INPP4B: variants seen among roughly 807,000 people sequenced by gnomAD.
The protein encoded by INPP4B is inositol polyphosphate 4-phosphatase type II.
In INPP4B, 55 loss-of-function variants were observed where a neutral mutation model predicts 122.5. The observed-to-expected ratio is 0.45, with a 90% CI of 0.36 to 0.56. INPP4B has a LOEUF of 0.56. Ranked by LOEUF, INPP4B falls within the 20% of genes least tolerant of loss-of-function variation. The pLI is 0.00. For synonymous variants in INPP4B, 403 were observed against 388.7 expected (o/e 1.04, Z -0.43); for missense variants, 1,000 against 1,097.7 (o/e 0.91, Z 1.26).
At chr4:142,698,309 C>T (rs769264710) in intron 2 of INPP4B, among the ~76,000 whole-genome samples, 26 of 151,644 alleles carry the variant, frequency 1.7e-4, no homozygotes, top group East Asian at 3.9e-4. Context: ...AAAAGACATA[C>T]GAGATTAATT....
At chr4:142,756,955 G>T (rs760019631) in intron 1 of INPP4B, among the ~76,000 whole-genome samples, 1 of 152,072 alleles carries the variant, frequency 6.6e-6, no homozygotes, top group Admixed American at 6.6e-5. Flanking sequence ...GGTTTTAACC[G>T]TTCCCAAATC....
intron 25 of INPP4B, chr4:142,029,962 ATGCATAGT>A: frequency 7.3e-7 from 1 of 1,369,600 alleles, no homozygotes; most frequent in African/African-American, 1.5e-5. Flanking sequence ...AATCCACCTA[ATGCATAGT>A]ACTTTTTGTT....
At chr4:142,169,191 T>C in intron 16 of INPP4B, among the ~76,000 whole-genome samples, 1 of 151,740 alleles carries the variant, frequency 6.6e-6, no homozygotes, top group Middle Eastern at 3.4e-3. Context: ...GTATACTATC[T>C]CTTATTTCAC....
intron 2 of INPP4B, among the ~76,000 whole-genome samples, chr4:142,657,934 G>A (rs1482959432): frequency 1.3e-5 from 2 of 152,150 alleles, no homozygotes; most frequent in Non-Finnish European, 2.9e-5. Flanking sequence ...GGCCCCTGAA[G>A]TGTCCAAAAA....
chr4:142,428,768 G>C (rs944454712), intron 5 of INPP4B, among the ~76,000 whole-genome samples: 1 of 152,000 alleles, frequency 6.6e-6, no homozygotes, highest in Non-Finnish European at 1.5e-5. Context: ...GAATACGAGA[G>C]AAATGGGCAA....
At chr4:142,512,918 G>A (rs751469233) in intron 2 of INPP4B, among the ~76,000 whole-genome samples, 8 of 152,070 alleles carry the variant, frequency 5.3e-5, no homozygotes, top group Non-Finnish European at 1.5e-5. Context: ...TATATTTTTT[G>A]ATATTACTCT....
intron 1 of INPP4B, among the ~76,000 whole-genome samples, chr4:142,739,428 G>C (rs1033101191): frequency 2.0e-5 from 3 of 152,008 alleles, no homozygotes; most frequent in African/African-American, 4.8e-5. Context: ...CCTATAGAAT[G>C]GGCATTAGAT....
chr4:142,156,169 T>TGTCTAAATACTAAGTATTGTC (rs1561314747), intron 17 of INPP4B, among the ~76,000 whole-genome samples: 2 of 151,570 alleles, frequency 1.3e-5, no homozygotes, highest in Non-Finnish European at 2.9e-5. Context: ...TAAGAATTGT[T>TGTCTAAATACTAAGTATTGTC]TTTCTAGTTT....
At chr4:142,650,382 T>C (rs1401733372) in intron 2 of INPP4B, among the ~76,000 whole-genome samples, 2 of 152,180 alleles carry the variant, frequency 1.3e-5, no homozygotes, top group Admixed American at 6.5e-5. Flanking sequence ...ACCTTAAATG[T>C]AAATGGGTTA....
chr4:142,528,474 G>T (rs186771170), intron 2 of INPP4B, among the ~76,000 whole-genome samples: 130 of 152,192 alleles, frequency 8.5e-4, no homozygotes, highest in Admixed American at 2.2e-3. Context: ...TCTATTCCTT[G>T]CAAATTGCCC....
At chr4:142,519,569 T>C (rs1478603928) in intron 2 of INPP4B, among the ~76,000 whole-genome samples, 2 of 152,158 alleles carry the variant, frequency 1.3e-5, no homozygotes, top group South Asian at 2.1e-4. Context: ...ACTGATAAGC[T>C]GTAGCAGGAC....
At chr4:142,571,008 A>G (rs1299009266) in intron 2 of INPP4B, among the ~76,000 whole-genome samples, 1 of 144,252 alleles carries the variant, frequency 6.9e-6, no homozygotes, top group African/African-American at 2.6e-5. Context: ...TCATGACCCT[A>G]CCCCTACCTC....
chr4:142,171,180 C>A (rs1310412710), intron 16 of INPP4B, among the ~76,000 whole-genome samples: 1 of 143,410 alleles, frequency 7.0e-6, no homozygotes. Flanking sequence ...TCTTCACTGC[C>A]CTGGGCTGCC....
intron 2 of INPP4B, among the ~76,000 whole-genome samples, chr4:142,471,501 C>T (rs1046387390): frequency 2.6e-5 from 4 of 152,160 alleles, no homozygotes; most frequent in African/African-American, 9.7e-5. Context: ...CTTAGTCTTC[C>T]TTATACATAC....
At chr4:142,110,926 CT>C (rs1338437317) in intron 22 of INPP4B, among the ~76,000 whole-genome samples, 2 of 151,912 alleles carry the variant, frequency 1.3e-5, no homozygotes, top group African/African-American at 4.8e-5. Context: ...AATCACAGAC[CT>C]TATTAATTCC....
rs183419925 is a variant in INPP4B at position 142,382,269 on chromosome 4, G to A, written c.372+20669C>T. Among the ~76,000 whole-genome samples, 191 of 151,942 alleles carry A rather than the reference G, an allele frequency of 1.3e-3. 1 individual carries two copies. The highest frequency in any genetic ancestry group is 2.3e-3 in the Non-Finnish European group (156 of 67,958). On this transcript the variant is annotated intron_variant, in intron 7 of 25. Coordinates refer to ENST00000262992, the MANE Select transcript of INPP4B (RefSeq NM_001101669.3). ...TACGCCTGTAATCCCAATACTTTGG[G>A]AGGCCAAGGCGGGTGGATCACCTGA...
chr4:142,169,188 A>G (rs1824319684), intron 16 of INPP4B, among the ~76,000 whole-genome samples: 1 of 151,614 alleles, frequency 6.6e-6, no homozygotes, highest in Non-Finnish European at 1.5e-5. Flanking sequence ...ATTGTATACT[A>G]TCTCTTATTT....
intron 2 of INPP4B, among the ~76,000 whole-genome samples, chr4:142,482,519 T>C (rs776685903): frequency 3.3e-5 from 5 of 152,108 alleles, no homozygotes; most frequent in Non-Finnish European, 7.4e-5. Context: ...TTGATCACCA[T>C]CCCTCCTTAG....
intron 2 of INPP4B, among the ~76,000 whole-genome samples, chr4:142,716,275 T>C (rs11100754): frequency 0.56 from 84,814 of 152,066 alleles, 25,308 homozygotes; most frequent in East Asian, 0.78. Flanking sequence ...AGTTCTCAAA[T>C]AAAAGAAACC....
Sources: allele counts gnomAD v4.1 joint callset (sites outside exome capture counted in the v4.1 genomes callset), GRCh38; gene constraint gnomAD v4.1.1; transcripts MANE v1.5; gene names NCBI Gene and HGNC (gene_info 2026-07-23, HGNC 2026-07-21).